Variants in FAM174B observed in about 807,000 individuals in gnomAD.
FAM174B encodes membrane protein FAM174B.
A neutral mutation model predicts 10.9 loss-of-function variants in FAM174B; 12 were observed. The observed-to-expected ratio is 1.10, with a 90% CI of 0.71 to 1.79. The LOEUF is 1.79. FAM174B is among the 40% of genes most tolerant of loss of function. The probability of loss-of-function intolerance (pLI) is 0.00; values close to 1 mark genes in which losing one functional copy is unlikely to be tolerated. For synonymous variants in FAM174B, 132 were observed against 115.8 expected (o/e 1.14, Z -0.90); for missense variants, 266 against 233.3 (o/e 1.14, Z -0.91).
rs1256889094 is a variant in FAM174B, at chr15:92,655,228, G to A, written c.344+88C>T. 16 of 1,443,792 alleles carry A rather than the reference G, an allele frequency of 1.1e-5. No individual in the cohort carries two copies. In the East Asian group the frequency reaches 3.7e-4, roughly 33 times the overall value. 89.4% of individuals were successfully genotyped at this position (1,443,792 alleles called of 1,614,324 possible). Reference sequence around the variant, plus strand: ...CTGGGGCGCACCAGGGCACCTGTGCGTGCAGGTGGGGCGGGCGCGCGGCGA... The same window carrying A: ...CTGGGGCGCACCAGGGCACCTGTGCATGCAGGTGGGGCGGGCGCGCGGCGA... On this transcript the variant is annotated intron_variant, in intron 1 of 2. Coordinates refer to ENST00000327355, the MANE Select transcript of FAM174B (RefSeq NM_207446.3).
chr15:92,643,002 G>A (rs2050901389), intron 1 of FAM174B, among the ~76,000 whole-genome samples: 1 of 152,202 alleles, frequency 6.6e-6, no homozygotes, highest in Non-Finnish European at 1.5e-5. Flanking sequence ...AGAAAATTCA[G>A]AGACACATAG....
At chr15:92,655,284 G>T in intron 1 of FAM174B, 32 bp downstream of exon 1, 1 of 1,504,618 alleles carries the variant, frequency 6.6e-7, no homozygotes, top group African/African-American at 1.4e-5. Context: ...CCTGTCGGCC[G>T]GCGGGGGAAG....
chr15:92,639,900 T>C (rs1237894216), intron 1 of FAM174B, among the ~76,000 whole-genome samples: 1 of 152,080 alleles, frequency 6.6e-6, no homozygotes, highest in Non-Finnish European at 1.5e-5. Flanking sequence ...CATTAGCCAA[T>C]ACCCAGTCTC....
intron 2 of FAM174B, chr15:92,619,682 CCACA>C: frequency 1.7e-6 from 1 of 600,638 alleles, no homozygotes; most frequent in Admixed American, 3.0e-5. Context: ...CCCCAGCTCC[CCACA>C]CAGACTCCCT....
At chr15:92,645,072 A>G (rs1442118112) in intron 1 of FAM174B, among the ~76,000 whole-genome samples, 1 of 152,242 alleles carries the variant, frequency 6.6e-6, no homozygotes, top group African/African-American at 2.4e-5. Context: ...ATGGTTCATT[A>G]GGTCCTACGT....
chr15:92,655,301 G>A lies in FAM174B; in HGVS notation c.344+15C>T, dbSNP rs1257894655. 1 of 1,542,658 alleles carries A rather than the reference G, an allele frequency of 6.5e-7. No individual in the cohort carries two copies. Among genetic ancestry groups the A allele is most frequent in the Non-Finnish European group, 8.7e-7 (1 of 1,143,484 alleles). On this transcript the variant is annotated intron_variant, in intron 1 of 2. Transcript: ENST00000327355. ...TGTCGGCCGGCGGGGGAAGGAAGAG[G>A]GCGGGAGGGCCCACCTGAAGACGCG...
intron 2 of FAM174B, among the ~76,000 whole-genome samples, chr15:92,625,752 C>CT (rs1167027147): frequency 2.0e-5 from 3 of 152,218 alleles, no homozygotes; most frequent in African/African-American, 7.2e-5. Context: ...TGTGTCTTTC[C>CT]TGTTTATTAT....
intron 1 of FAM174B, among the ~76,000 whole-genome samples, chr15:92,651,963 C>T (rs2050969307): frequency 6.6e-6 from 1 of 152,200 alleles, no homozygotes; most frequent in South Asian, 2.1e-4. Context: ...CTAGGACTGC[C>T]ATTTTATACG....
chr15:92,622,751 G>A lies in FAM174B; in HGVS notation c.477-3292C>T, dbSNP rs1447804380. ...TGAGCCACCTTGGGCTCACTTCGTG[G>A]TCCTCTCGAACTTGTAGGTTTCACC... On this transcript the variant is annotated intron_variant, in intron 2 of 2. Transcript: ENST00000327355. 2.6e-5 allele frequency among the ~76,000 whole-genome samples: 4 copies of A among 152,326 alleles called. No individual in the cohort carries two copies. The South Asian group carries it at 8.3e-4, about 32-fold the overall frequency.
At chr15:92,652,503 T>C (rs1434373126) in intron 1 of FAM174B, among the ~76,000 whole-genome samples, 1 of 152,060 alleles carries the variant, frequency 6.6e-6, no homozygotes, top group African/African-American at 2.4e-5. Flanking sequence ...CACCCTGATC[T>C]GAAGAGTCAG....
chr15:92,630,104 AC>A, intron 2 of FAM174B, 109 bp downstream of exon 2: 1 of 1,096,908 alleles, frequency 9.1e-7, no homozygotes, highest in Non-Finnish European at 1.4e-6. Context: ...ACACCCCAGG[AC>A]CCAACACTTC....
At chr15:92,619,500 G>A (rs763445737) in intron 2 of FAM174B, 41 bp from the exon 3 acceptor site, 2 of 1,606,948 alleles carry the variant, frequency 1.2e-6, no homozygotes, top group Non-Finnish European at 1.7e-6. Flanking sequence ...CCTTCTGGCA[G>A]AGCCTCGCAC....
intron 1 of FAM174B, among the ~76,000 whole-genome samples, chr15:92,640,408 C>A (rs1041471189): frequency 6.6e-6 from 1 of 151,622 alleles, no homozygotes; most frequent in African/African-American, 2.4e-5. Context: ...AAAAATTAGC[C>A]GGGCATGGTG....
At chr15:92,629,359 C>G (rs1196344951) in intron 2 of FAM174B, among the ~76,000 whole-genome samples, 2 of 152,228 alleles carry the variant, frequency 1.3e-5, no homozygotes, top group Admixed American at 6.5e-5. Context: ...CCTAAAGTCA[C>G]AAAGTCATTC....
chr15:92,652,534 G>A (rs1325271353), intron 1 of FAM174B, among the ~76,000 whole-genome samples: 1 of 152,186 alleles, frequency 6.6e-6, no homozygotes, highest in African/African-American at 2.4e-5. Flanking sequence ...ACATCAAGGA[G>A]TCTGTATGCA....
intron 1 of FAM174B, among the ~76,000 whole-genome samples, chr15:92,651,220 C>T (rs2050964244): frequency 6.6e-6 from 1 of 152,152 alleles, no homozygotes; most frequent in Non-Finnish European, 1.5e-5. Flanking sequence ...TGGAAACCTA[C>T]ACTGGTGCCT....
intron 2 of FAM174B, among the ~76,000 whole-genome samples, chr15:92,628,269 A>T (rs1461828617): frequency 6.7e-6 from 1 of 148,556 alleles, no homozygotes; most frequent in Non-Finnish European, 1.5e-5. Flanking sequence ...GGCTCCAGTG[A>T]TCCTCCCACC....
intron 2 of FAM174B, among the ~76,000 whole-genome samples, chr15:92,623,844 T>C (rs556375160): frequency 2.0e-5 from 3 of 152,232 alleles, no homozygotes; most frequent in Non-Finnish European, 2.9e-5. Flanking sequence ...ACTGCTTCCA[T>C]CCAGGGACAC....
At chr15:92,625,037 G>T (rs1257899951) in intron 2 of FAM174B, among the ~76,000 whole-genome samples, 1 of 152,194 alleles carries the variant, frequency 6.6e-6, no homozygotes, top group Non-Finnish European at 1.5e-5. Context: ...AACGCCTCTT[G>T]AAAGAACCAT....
Sources: gnomAD v4.1 joint callset for allele counts (sites outside exome capture counted in the v4.1 genomes callset) on GRCh38, gnomAD v4.1.1 for gene constraint, MANE v1.5 for transcripts, NCBI Gene and HGNC (gene_info 2026-07-23, HGNC 2026-07-21) for gene names.